The following TINAG variants were observed in gnomAD, a reference collection of about 807,000 sequenced individuals.
TINAG encodes the protein tubulointerstitial nephritis antigen.
Under a neutral mutation model 72.7 loss-of-function variants are expected in TINAG, and 83 were observed. The observed-to-expected ratio is 1.14, with a 90% confidence interval of 0.96 to 1.37. The LOEUF is 1.37. Ranked by LOEUF, TINAG falls within the 40% of genes most tolerant of loss-of-function variation. TINAG has a pLI of 0.00. For missense variants in TINAG, 685 were observed against 576.6 expected, an observed-to-expected ratio of 1.19 and a Z score of -1.93; for synonymous variants, 234 against 189.9, an observed-to-expected ratio of 1.23 and a Z score of -1.91.
Position 54,308,498 on chromosome 6 carries a change from G to T in TINAG, c.-53G>T. 6.7e-7 allele frequency: 1 copy of T among 1,488,976 alleles called. No homozygotes were observed. Among genetic ancestry groups the T allele is most frequent in the Non-Finnish European group, 9.1e-7 (1 of 1,098,618 alleles). The allele number at this position is 1,488,976 out of a possible 1,614,324, so 92.2% of individuals were successfully genotyped here. ...CAGGTTCCAAGGAGAAGCCCACAAG[G>T]CTAAGGGTATTGGATATAACGGAAA... On this transcript the variant is annotated 5_prime_UTR_variant, in exon 1 of 11. Coordinates refer to ENST00000259782, the MANE Select transcript of TINAG (RefSeq NM_014464.4).
At chr6:54,330,098 A>G (rs1784701896) in intron 4 of TINAG, among the ~76,000 whole-genome samples, 1 of 152,154 alleles carries the variant, frequency 6.6e-6, no homozygotes, top group Admixed American at 6.6e-5. Context: ...CAGGACTTGA[A>G]CTCAGTTGTG....
In TINAG at chr6:54,329,439, C is replaced by A. The variant is rs1284934510; in HGVS notation, c.624+2523C>A. On this transcript the variant is annotated intron_variant, in intron 4 of 10. Transcript: ENST00000259782. ...AAGCAAATGCCCAGGGATTTAGTCACCACCAGGCTTGCCTTACAAGAGCTC... is the reference window on the plus strand; with the variant it reads ...AAGCAAATGCCCAGGGATTTAGTCAACACCAGGCTTGCCTTACAAGAGCTC... Among the ~76,000 whole-genome samples, 3 of 152,208 alleles carry A rather than the reference C, an allele frequency of 2.0e-5. No homozygotes were observed. In the Middle Eastern group the frequency reaches 0.01, roughly 518 times the overall value.
intron 9 of TINAG, among the ~76,000 whole-genome samples, chr6:54,355,824 A>G (rs1763019249): frequency 1.3e-5 from 2 of 151,634 alleles, no homozygotes; most frequent in African/African-American, 4.8e-5. Flanking sequence ...TCTCCTAGAT[A>G]TATAACTATT....
chr6:54,320,510 T>C (rs1191590319), intron 1 of TINAG, 69 bp from the exon 2 acceptor site: 20 of 1,264,720 alleles, frequency 1.6e-5, no homozygotes, highest in Non-Finnish European at 2.2e-5. Context: ...GATTTTTGAT[T>C]ACATTTTATG....
intron 9 of TINAG, among the ~76,000 whole-genome samples, chr6:54,377,387 T>C (rs2150980351): frequency 6.6e-6 from 1 of 152,000 alleles, no homozygotes; most frequent in East Asian, 1.9e-4. Flanking sequence ...TGGCACATGC[T>C]TGTAATCCCA....
At chr6:54,354,424 A>G in intron 8 of TINAG, 89 bp from the exon 9 acceptor site, 1 of 1,211,488 alleles carries the variant, frequency 8.3e-7, no homozygotes, top group Non-Finnish European at 1.2e-6. Flanking sequence ...CTTGCAATTT[A>G]CCCATTGGTT....
At chr6:54,381,787 C>G (rs1015055440) in intron 10 of TINAG, among the ~76,000 whole-genome samples, 4 of 152,116 alleles carry the variant, frequency 2.6e-5, no homozygotes, top group Non-Finnish European at 5.9e-5. Context: ...TAAATTTGAA[C>G]AGTTTTTTAA....
intron 9 of TINAG, among the ~76,000 whole-genome samples, chr6:54,365,939 A>T (rs546686243): frequency 7.3e-5 from 11 of 151,570 alleles, no homozygotes; most frequent in African/African-American, 2.7e-4. Context: ...CTGAGGCAAA[A>T]ATCTTGTTTG....
chr6:54,325,057 G>A lies in TINAG; in HGVS notation c.510-1745G>A, dbSNP rs566497055. The stretch of plus-strand genomic sequence containing the variant: ...ATGCCACCCAACTTCAAACCTGCAT[G>A]CTTTGCTCAAGAGTTACTTTTACTT... On this transcript the variant is annotated intron_variant, in intron 3 of 10. Transcript: ENST00000259782. Among the ~76,000 whole-genome samples, 6 of 152,262 alleles carry A rather than the reference G, an allele frequency of 3.9e-5. No individual in the cohort carries two copies. In the East Asian group the frequency reaches 1.2e-3, roughly 29 times the overall value.
At chr6:54,358,414 T>A (rs1763123688) in intron 9 of TINAG, among the ~76,000 whole-genome samples, 1 of 151,788 alleles carries the variant, frequency 6.6e-6, no homozygotes, top group Non-Finnish European at 1.5e-5. Context: ...ACGGTACTGA[T>A]CCGTTGATCA....
At chr6:54,318,326 A>T (rs1196651861) in intron 1 of TINAG, among the ~76,000 whole-genome samples, 1 of 152,102 alleles carries the variant, frequency 6.6e-6, no homozygotes. Flanking sequence ...AGCAGTCTTG[A>T]TTTCTTGACA....
At chr6:54,334,654 G>T (rs1186313617) in intron 4 of TINAG, among the ~76,000 whole-genome samples, 1 of 152,144 alleles carries the variant, frequency 6.6e-6, no homozygotes, top group African/African-American at 2.4e-5. Flanking sequence ...AGCCACCACA[G>T]AATTATTTAT....
intron 9 of TINAG, among the ~76,000 whole-genome samples, chr6:54,374,508 T>C (rs1763723785): frequency 6.6e-6 from 1 of 152,142 alleles, no homozygotes; most frequent in African/African-American, 2.4e-5. Context: ...TCAATAACAC[T>C]TCATTTACTA....
intron 10 of TINAG, 108 bp from the exon 11 acceptor site, chr6:54,389,683 C>T (rs926637286): frequency 3.0e-6 from 4 of 1,324,780 alleles, no homozygotes; most frequent in African/African-American, 1.5e-5. Context: ...TAATTATAGT[C>T]TATGATAAAT....
chr6:54,310,662 TTCTC>T (rs1198223166), intron 1 of TINAG, among the ~76,000 whole-genome samples: 3 of 127,104 alleles, frequency 2.4e-5, no homozygotes, highest in Admixed American at 7.4e-5. Context: ...CTCTTTCTTT[TTCTC>T]TCTTTCTCTC....
At chr6:54,368,626 A>G (rs1454446328) in intron 9 of TINAG, among the ~76,000 whole-genome samples, 3 of 151,302 alleles carry the variant, frequency 2.0e-5, no homozygotes, top group Non-Finnish European at 4.4e-5. Context: ...CACTTTTATA[A>G]TTCAATGTAT....
At chr6:54,328,983 C>A (rs1263255181) in intron 4 of TINAG, among the ~76,000 whole-genome samples, 3 of 151,674 alleles carry the variant, frequency 2.0e-5, no homozygotes, top group Admixed American at 2.0e-4. Context: ...GTGAAAAGAC[C>A]AAACCCACCT....
chr6:54,351,234 G>C (rs1471375528), intron 7 of TINAG, 118 bp from the exon 8 acceptor site: 3 of 768,530 alleles, frequency 3.9e-6, no homozygotes, highest in South Asian at 1.7e-5. Context: ...CATAATATAC[G>C]TGAGTTTTTC....
At chr6:54,353,430 C>T (rs2150962062) in intron 8 of TINAG, among the ~76,000 whole-genome samples, 1 of 151,778 alleles carries the variant, frequency 6.6e-6, no homozygotes, top group South Asian at 2.1e-4. Context: ...CCAATAGAAC[C>T]CTGAATGAAT....
Sources: allele counts gnomAD v4.1 joint callset (sites outside exome capture counted in the v4.1 genomes callset), GRCh38; gene constraint gnomAD v4.1.1; transcripts MANE v1.5; gene names NCBI Gene and HGNC (gene_info 2026-07-23, HGNC 2026-07-21).